LARGE1: variants seen among roughly 807,000 people sequenced by gnomAD.
The protein encoded by LARGE1 is xylosyl- and glucuronyltransferase LARGE1.
LARGE1 carries 43 observed loss-of-function variants against 87.6 expected under a neutral mutation model. The observed-to-expected ratio is 0.49, with a 90% CI of 0.38 to 0.63. The LOEUF (loss-of-function observed/expected upper bound fraction) is 0.63. LARGE1 is among the 30% of genes least tolerant of loss of function. The probability of loss-of-function intolerance (pLI) is 0.00; values close to 1 mark genes in which losing one functional copy is unlikely to be tolerated. For synonymous variants in LARGE1, 434 were observed against 394.6 expected (o/e 1.10, Z -1.18); for missense variants, 802 against 1,000.2 (o/e 0.80, Z 2.67).
intron 6 of LARGE1, among the ~76,000 whole-genome samples, chr22:33,533,296 G>A (rs927625838): frequency 2.0e-5 from 3 of 152,078 alleles, no homozygotes; most frequent in African/African-American, 4.8e-5. Context: ...TATTAACGTC[G>A]TCAGCTGCTG....
intron 2 of LARGE1, among the ~76,000 whole-genome samples, chr22:33,735,663 T>C (rs2083629695): frequency 6.6e-6 from 1 of 152,228 alleles, no homozygotes; most frequent in African/African-American, 2.4e-5. Flanking sequence ...ATAATTCATA[T>C]ACCAAATAAG....
At chr22:33,117,809 G>A in the LARGE1 span, among the ~76,000 whole-genome samples, 4 of 152,162 alleles carry the variant, frequency 2.6e-5, no homozygotes, top group Non-Finnish European at 5.9e-5. Flanking sequence ...ATTTTCATGA[G>A]GCATTTACCA....
intron 11 of LARGE1, among the ~76,000 whole-genome samples, chr22:33,172,950 G>A (rs1348330989): frequency 3.3e-5 from 5 of 152,168 alleles, no homozygotes; most frequent in African/African-American, 1.2e-4. Flanking sequence ...GTATTATCCA[G>A]GAGAATTTCC....
At chr22:33,638,196 G>C (rs1385974475) in intron 3 of LARGE1, among the ~76,000 whole-genome samples, 1 of 152,194 alleles carries the variant, frequency 6.6e-6, no homozygotes, top group Non-Finnish European at 1.5e-5. Context: ...ATTATGTAAA[G>C]TCCATGAAGA....
At chr22:33,603,443 C>T (rs550822993) in intron 5 of LARGE1, among the ~76,000 whole-genome samples, 313 of 152,270 alleles carry the variant, frequency 2.1e-3, no homozygotes, top group Middle Eastern at 6.8e-3. Flanking sequence ...GAATAAGATG[C>T]GGCTCCTCTC....
intron 1 of LARGE1, among the ~76,000 whole-genome samples, chr22:33,870,447 T>C (rs541350446): frequency 6.6e-6 from 1 of 152,342 alleles, no homozygotes; most frequent in African/African-American, 2.4e-5. Flanking sequence ...TAAATCTTCA[T>C]TAACAACAAA....
chr22:33,773,067 G>A (rs1242247040), intron 1 of LARGE1, among the ~76,000 whole-genome samples: 2 of 152,160 alleles, frequency 1.3e-5, no homozygotes, highest in South Asian at 2.1e-4. Flanking sequence ...TCTCGTGCAC[G>A]TGAGGTCATT....
At chr22:33,143,591 C>A in the LARGE1 span, among the ~76,000 whole-genome samples, 143 of 152,196 alleles carry the variant, frequency 9.4e-4, 1 homozygote, top group Admixed American at 2.0e-3. Context: ...AAAGCACTTT[C>A]TTTTCCCTGC....
chr22:33,306,319 T>A (rs1396235756), intron 11 of LARGE1, among the ~76,000 whole-genome samples: 4 of 152,176 alleles, frequency 2.6e-5, no homozygotes, highest in African/African-American at 9.7e-5. Flanking sequence ...CTGCGCTTCA[T>A]GAGAGGGCCA....
At chr22:33,731,022 A>C (rs1209529104) in intron 2 of LARGE1, among the ~76,000 whole-genome samples, 1 of 97,222 alleles carries the variant, frequency 1.0e-5, no homozygotes, top group Admixed American at 1.3e-4. Flanking sequence ...TTTTTTTTTG[A>C]GACGGAGTCT....
chr22:33,508,145 G>A (rs1180182019), intron 6 of LARGE1, among the ~76,000 whole-genome samples: 1 of 152,150 alleles, frequency 6.6e-6, no homozygotes, highest in Admixed American at 6.5e-5. Context: ...TGATCACAGT[G>A]GAGCACACAG....
At chr22:33,409,412 A>G (rs1276328348) in intron 7 of LARGE1, among the ~76,000 whole-genome samples, 1 of 152,138 alleles carries the variant, frequency 6.6e-6, no homozygotes, top group Non-Finnish European at 1.5e-5. Context: ...CACTGATGGT[A>G]CATCACTGCC....
intron 1 of LARGE1, among the ~76,000 whole-genome samples, chr22:33,817,459 G>A (rs1015632831): frequency 2.6e-5 from 4 of 151,818 alleles, no homozygotes; most frequent in Non-Finnish European, 4.4e-5. Flanking sequence ...TCTCTCTTTC[G>A]CAGGGGACCC....
intron 7 of LARGE1, among the ~76,000 whole-genome samples, chr22:33,418,657 T>G (rs2066584533): frequency 6.6e-6 from 1 of 152,040 alleles, no homozygotes; most frequent in Admixed American, 6.6e-5. Context: ...GAGCTCAGAT[T>G]GCAGGGGTGA....
chr22:33,305,599 A>C (rs1934769444), intron 11 of LARGE1: 3 of 985,218 alleles, frequency 3.0e-6, no homozygotes, highest in Non-Finnish European at 3.6e-6. Context: ...GATTACCAGG[A>C]AATCGATTCC....
intron 6 of LARGE1, among the ~76,000 whole-genome samples, chr22:33,555,910 G>A (rs1280676512): frequency 1.4e-5 from 2 of 142,238 alleles, no homozygotes; most frequent in East Asian, 2.0e-4. Context: ...AGAGTGGGTG[G>A]AGAGAGAGAG....
At chr22:33,168,175 T>C (rs888551543) in intron 11 of LARGE1, among the ~76,000 whole-genome samples, 2 of 152,226 alleles carry the variant, frequency 1.3e-5, no homozygotes, top group African/African-American at 4.8e-5. Flanking sequence ...TTCAGATATT[T>C]ACCCCTGGTA....
intron 6 of LARGE1, among the ~76,000 whole-genome samples, chr22:33,523,952 G>A (rs898785010): frequency 3.3e-5 from 5 of 152,028 alleles, no homozygotes; most frequent in Non-Finnish European, 5.9e-5. Flanking sequence ...TCAAAACAGA[G>A]AACTGTGCCA....
chr22:33,206,508 A>C (rs2146222173), intron 11 of LARGE1, among the ~76,000 whole-genome samples: 1 of 152,138 alleles, frequency 6.6e-6, no homozygotes, highest in South Asian at 2.1e-4. Context: ...GACTTTTTGC[A>C]TTAGGGTTGA....
Sources: gnomAD v4.1 joint callset for allele counts (sites outside exome capture counted in the v4.1 genomes callset) on GRCh38, gnomAD v4.1.1 for gene constraint, MANE v1.5 for transcripts, NCBI Gene and HGNC (gene_info 2026-07-23, HGNC 2026-07-21) for gene names.